WDFY3: variants seen among roughly 807,000 people sequenced by gnomAD.
WDFY3 encodes WD repeat and FYVE domain-containing protein 3.
Under a neutral mutation model 409.6 loss-of-function variants are expected in WDFY3, and 66 were observed. The observed-to-expected ratio is 0.16, with a 90% CI of 0.13 to 0.20. The LOEUF (loss-of-function observed/expected upper bound fraction) is 0.20. Among genes scored for constraint, WDFY3 ranks in the 10% least tolerant of loss-of-function variants. The pLI is 1.00. For synonymous variants in WDFY3, 1,521 were observed against 1,537.1 expected (o/e 0.99, Z 0.25); for missense variants, 3,031 against 4,298.1 (o/e 0.71, Z 8.24).
intron 3 of WDFY3, among the ~76,000 whole-genome samples, chr4:84,885,167 A>AT (rs1303540884): frequency 5.3e-5 from 8 of 150,774 alleles, no homozygotes; most frequent in Admixed American, 2.0e-4. Flanking sequence ...TGCCTGGCTA[A>AT]TTTTTTTTTG....
chr4:84,918,821 A>G (rs1023488923), intron 2 of WDFY3, among the ~76,000 whole-genome samples: 6 of 134,176 alleles, frequency 4.5e-5, no homozygotes, highest in Non-Finnish European at 6.6e-5. Flanking sequence ...GTGTGTATAT[A>G]TATATAGATA....
rs558899192 is a variant in WDFY3 at position 84,778,237 on chromosome 4, T to C, written c.4518+266A>G. On this transcript the variant is annotated intron_variant, in intron 27 of 67. Coordinates refer to ENST00000295888, the MANE Select transcript of WDFY3 (RefSeq NM_014991.6). ...GCCTGATGAAACTATGTTTGACTCA[T>C]GTAATGCCACTGCCAGCAGCAAATC... Among the ~76,000 whole-genome samples, 20 of 152,294 alleles carry C rather than the reference T, an allele frequency of 1.3e-4. No homozygotes were observed. The East Asian group carries it at 3.9e-3, about 29-fold the overall frequency.
chr4:84,875,263 A>ACAC (rs1762621216), intron 3 of WDFY3, among the ~76,000 whole-genome samples: 1 of 137,484 alleles, frequency 7.3e-6, no homozygotes. Context: ...GCAAGACTCA[A>ACAC]ACACACACAC....
intron 4 of WDFY3, among the ~76,000 whole-genome samples, chr4:84,856,456 G>A (rs541149721): frequency 1.3e-5 from 2 of 152,082 alleles, no homozygotes; most frequent in South Asian, 4.1e-4. Flanking sequence ...TTTGTTCTTG[G>A]GACTAAATGT....
At chr4:84,828,401 A>C (rs1373682362) in intron 9 of WDFY3, among the ~76,000 whole-genome samples, 1 of 152,230 alleles carries the variant, frequency 6.6e-6, no homozygotes, top group Non-Finnish European at 1.5e-5. Flanking sequence ...GACTAGAAGT[A>C]CTATAAAATA....
chr4:84,831,380 T>A, intron 8 of WDFY3, 33 bp downstream of exon 8: 2 of 1,383,680 alleles, frequency 1.4e-6, no homozygotes, highest in South Asian at 3.8e-5. Flanking sequence ...TGGAAGAAAT[T>A]TAGAACACTT....
At chr4:84,785,285 G>A (rs748706057) in intron 24 of WDFY3, among the ~76,000 whole-genome samples, 5 of 151,946 alleles carry the variant, frequency 3.3e-5, no homozygotes, top group African/African-American at 1.2e-4. Context: ...TGGCAGGTAC[G>A]TACAGTACAC....
chr4:84,831,338 TA>T, intron 8 of WDFY3, 74 bp downstream of exon 8: 2 of 1,115,362 alleles, frequency 1.8e-6, no homozygotes, highest in Non-Finnish European at 2.4e-6. Context: ...TACTGAAAGA[TA>T]AAAATAAATC....
At chr4:84,826,685 AAC>A in intron 10 of WDFY3, 128 bp downstream of exon 10, 3 of 911,340 alleles carry the variant, frequency 3.3e-6, no homozygotes, top group African/African-American at 1.7e-5. Flanking sequence ...TTAAAAAAAA[AAC>A]AAGCTTTAAG....
At chr4:84,726,086 T>C (rs1264278307) in intron 45 of WDFY3, among the ~76,000 whole-genome samples, 2 of 152,128 alleles carry the variant, frequency 1.3e-5, no homozygotes, top group East Asian at 3.9e-4. Flanking sequence ...GTCGTAGATT[T>C]TGTACCATAA....
chr4:84,942,295 AC>A (rs1772245734), intron 1 of WDFY3, among the ~76,000 whole-genome samples: 1 of 152,114 alleles, frequency 6.6e-6, no homozygotes, highest in Admixed American at 6.5e-5. Context: ...TAAAACACAT[AC>A]CAGACTGGAA....
chr4:84,721,130 T>TA (rs1734799099), intron 47 of WDFY3, among the ~76,000 whole-genome samples: 1 of 152,188 alleles, frequency 6.6e-6, no homozygotes, highest in Non-Finnish European at 1.5e-5. Flanking sequence ...GGATTTGAAA[T>TA]AGAGAATTAT....
intron 3 of WDFY3, among the ~76,000 whole-genome samples, chr4:84,882,690 T>A (rs927722713): frequency 1.6e-4 from 25 of 152,086 alleles, no homozygotes; most frequent in Non-Finnish European, 2.8e-4. Flanking sequence ...ATACCCTTTG[T>A]TAATCAGAGT....
intron 2 of WDFY3, among the ~76,000 whole-genome samples, chr4:84,900,594 G>T (rs916672353): frequency 1.3e-5 from 2 of 152,106 alleles, no homozygotes; most frequent in African/African-American, 4.8e-5. Flanking sequence ...AGTCTCAAAA[G>T]ATTACAAATG....
intron 12 of WDFY3, among the ~76,000 whole-genome samples, chr4:84,818,235 T>A (rs1273928591): frequency 1.3e-5 from 2 of 152,152 alleles, no homozygotes; most frequent in African/African-American, 4.8e-5. Context: ...CCCAGCTCTG[T>A]AAGCCTGTGC....
Position 84,684,003 on chromosome 4 carries a change from C to T in WDFY3, c.9666G>A (p.Glu3222=), listed in dbSNP as rs1245191504. 1 of 1,613,628 alleles carries T rather than the reference C, an allele frequency of 6.2e-7. No individual in the cohort carries two copies. The change falls in exon 63 of 68, where the codon GAG becomes GAA. Residue 3222 remains glutamate (E), a synonymous_variant. Transcript: ENST00000295888. ...CGTTCTGCGTGTCCCATTCGTTCAT[C>T]TCCGACATGCAGCAGCAGATGATCT... The part of the protein sequence containing the change: ...SQQIICCCMS[E]MNEWDTQNVI...
chr4:84,839,969 G>A (rs1578761392), intron 6 of WDFY3, among the ~76,000 whole-genome samples: 2 of 152,152 alleles, frequency 1.3e-5, no homozygotes, highest in East Asian at 3.9e-4. Flanking sequence ...TTGGGTTACT[G>A]ACAGGTTTCA....
chr4:84,739,325 C>T, intron 39 of WDFY3: 1 of 513,750 alleles, frequency 1.9e-6, no homozygotes, highest in Middle Eastern at 4.5e-4. Flanking sequence ...TTAGACTGAT[C>T]TATAGCATCA....
At chr4:84,951,214 A>T (rs1399881139) in intron 1 of WDFY3, among the ~76,000 whole-genome samples, 2 of 152,208 alleles carry the variant, frequency 1.3e-5, no homozygotes, top group Admixed American at 1.3e-4. Context: ...TATTTCGGGC[A>T]TCCGGGAATG....
Sources: allele counts gnomAD v4.1 joint callset (sites outside exome capture counted in the v4.1 genomes callset), GRCh38; gene constraint gnomAD v4.1.1; transcripts MANE v1.5; gene names NCBI Gene and HGNC (gene_info 2026-07-23, HGNC 2026-07-21).